Variants in TRDN observed in about 807,000 individuals in gnomAD.
TRDN encodes triadin.
TRDN carries 161 observed loss-of-function variants against 149.7 expected under a neutral mutation model. That is an observed-to-expected ratio of 1.08 (90% CI 0.95 to 1.23). The LOEUF is 1.23. TRDN is among the 50% of genes most tolerant of loss of function. TRDN has a pLI of 0.00. For synonymous variants in TRDN, 294 were observed against 250.5 expected (o/e 1.17, Z -1.64); for missense variants, 896 against 823.5 (o/e 1.09, Z -1.08).
chr6:123,287,478 T>C (rs553085523), intron 24 of TRDN, among the ~76,000 whole-genome samples: 1 of 152,266 alleles, frequency 6.6e-6, no homozygotes, highest in South Asian at 2.1e-4. Context: ...AACCACTGTT[T>C]GATAACCGTA....
intron 21 of TRDN, among the ~76,000 whole-genome samples, chr6:123,344,939 T>C (rs1308590757): frequency 6.6e-6 from 1 of 152,074 alleles, no homozygotes; most frequent in Non-Finnish European, 1.5e-5. Flanking sequence ...GTTAGTGTTT[T>C]GGATTTTAGC....
chr6:123,515,999 C>A, intron 6 of TRDN, 142 bp downstream of exon 6: 1 of 939,024 alleles, frequency 1.1e-6, no homozygotes, highest in Non-Finnish European at 1.4e-6. Context: ...TCCAGAAATT[C>A]CTTTTTTCAG....
At chr6:123,331,815 T>A in intron 23 of TRDN, 64 bp downstream of exon 23, 1 of 1,089,776 alleles carries the variant, frequency 9.2e-7, no homozygotes, top group Non-Finnish European at 1.3e-6. Flanking sequence ...ATTACTTTGT[T>A]GCAAATAACT....
intron 2 of TRDN, among the ~76,000 whole-genome samples, chr6:123,566,803 T>C (rs1562393594): frequency 6.6e-6 from 1 of 152,218 alleles, no homozygotes; most frequent in Admixed American, 6.5e-5. Flanking sequence ...TTTGAAACTG[T>C]TATTGAAGCC....
intron 1 of TRDN, among the ~76,000 whole-genome samples, chr6:123,594,163 A>T (rs1431206978): frequency 1.3e-5 from 2 of 152,180 alleles, no homozygotes; most frequent in Non-Finnish European, 2.9e-5. Flanking sequence ...TAATGTCAGA[A>T]TTCAGAGTAA....
intron 2 of TRDN, among the ~76,000 whole-genome samples, chr6:123,558,529 T>A (rs887947278): frequency 1.3e-5 from 2 of 152,182 alleles, no homozygotes; most frequent in African/African-American, 4.8e-5. Flanking sequence ...ACACTCTTTT[T>A]CATCAAATAT....
rs1029030148 is a variant in TRDN at position 123,463,660 on chromosome 6, A to G, written c.931+1246T>C. ...TTATTTATAGGGGTTGTCTTGTCCA[A>G]TGAACATTTTGGCGAGTGAGATAGT... On this transcript the variant is annotated intron_variant, in intron 10 of 40. Transcript: ENST00000334268. 8.5e-5 allele frequency among the ~76,000 whole-genome samples: 13 copies of G among 152,208 alleles called. No individual in the cohort carries two copies. The South Asian group carries it at 1.2e-3, about 15-fold the overall frequency.
At chr6:123,473,037 C>T (rs1038282271) in intron 9 of TRDN, among the ~76,000 whole-genome samples, 23 of 152,170 alleles carry the variant, frequency 1.5e-4, no homozygotes, top group Non-Finnish European at 2.5e-4. Context: ...ACCAGAGCGC[C>T]TCTCCTCCTC....
At chr6:123,595,124 T>C (rs1297410914) in intron 1 of TRDN, among the ~76,000 whole-genome samples, 1 of 152,142 alleles carries the variant, frequency 6.6e-6, no homozygotes, top group Non-Finnish European at 1.5e-5. Flanking sequence ...GTCCTGCAAA[T>C]TATTTCTCAT....
At chr6:123,241,767 A>T (rs973985520) in intron 38 of TRDN, among the ~76,000 whole-genome samples, 1 of 152,106 alleles carries the variant, frequency 6.6e-6, no homozygotes. Context: ...TCTTGGACTA[A>T]TATCAAAATT....
At chr6:123,393,349 T>C (rs192782307) in intron 13 of TRDN, among the ~76,000 whole-genome samples, 1 of 152,210 alleles carries the variant, frequency 6.6e-6, no homozygotes, top group African/African-American at 2.4e-5. Flanking sequence ...GGATTATTTT[T>C]AAAAATATAC....
At chr6:123,486,111 C>G (rs969836504) in intron 9 of TRDN, among the ~76,000 whole-genome samples, 2 of 152,018 alleles carry the variant, frequency 1.3e-5, no homozygotes, top group Non-Finnish European at 2.9e-5. Context: ...AAGTGCAGTT[C>G]CAACAGAGGC....
chr6:123,232,871 T>C (rs1257085982), intron 38 of TRDN, among the ~76,000 whole-genome samples: 1 of 152,132 alleles, frequency 6.6e-6, no homozygotes, highest in Admixed American at 6.6e-5. Context: ...GCAAACACTA[T>C]AAATAAATCA....
At chr6:123,595,075 T>G (rs1783968601) in intron 1 of TRDN, among the ~76,000 whole-genome samples, 1 of 152,128 alleles carries the variant, frequency 6.6e-6, no homozygotes, top group African/African-American at 2.4e-5. Flanking sequence ...ATAATAATGT[T>G]AAAATGTGTG....
In TRDN at chr6:123,263,147, TAA is replaced by T. The variant is rs201523413; in HGVS notation, c.1804+2169_1804+2170del. Among the ~76,000 whole-genome samples, 6 of 152,124 alleles carry T rather than the reference TAA, an allele frequency of 3.9e-5. No individual in the cohort carries two copies. In the East Asian group the frequency reaches 1.2e-3, roughly 29 times the overall value. Reference sequence around the variant, plus strand: ...CAAAGGAAAAGTTCTTGAAGGAAATTAAAAGTGTTACTCCAGTGACCACATAA... The same window carrying T: ...CAAAGGAAAAGTTCTTGAAGGAAATTAAGTGTTACTCCAGTGACCACATAA... On this transcript the variant is annotated intron_variant, in intron 33 of 40. Transcript: ENST00000334268.
chr6:123,224,105 T>G lies in TRDN; in HGVS notation c.2002A>C (p.Lys668Gln), dbSNP rs779664510. ...ACAGCAAACTCACCTTTAGCTTTCT[T>G]TGAAGCTGGTACATCTTCAACATCT... ...SKDVEDVPASKKAKEGTEDVS... is the reference protein window; with the variant it reads ...SKDVEDVPASQKAKEGTEDVS... Residue 668 changes from lysine (K) to glutamine (Q), a missense_variant, in exon 39 of 41, where the codon AAG (lysine) becomes CAG (glutamine). Lys to Gln is a moderately conservative substitution (Grantham distance 53). Transcript: ENST00000334268. The G allele has an allele frequency of 3.7e-6, 6 of 1,610,710 alleles. No individual in the cohort carries two copies. The South Asian group carries it at 6.6e-5, about 18-fold the overall frequency.
chr6:123,345,767 A>G (rs1380239416), intron 21 of TRDN, among the ~76,000 whole-genome samples: 1 of 152,016 alleles, frequency 6.6e-6, no homozygotes, highest in East Asian at 1.9e-4. Context: ...CTTATACATA[A>G]TTTAAAAAAT....
chr6:123,586,765 AG>A (rs1344568699), intron 1 of TRDN, among the ~76,000 whole-genome samples: 8 of 151,952 alleles, frequency 5.3e-5, no homozygotes, highest in African/African-American at 1.9e-4. Context: ...CCCATAGTGA[AG>A]GAGACAAACC....
chr6:123,297,553 T>C (rs1282807588), intron 24 of TRDN, among the ~76,000 whole-genome samples: 2 of 152,084 alleles, frequency 1.3e-5, no homozygotes, highest in Non-Finnish European at 2.9e-5. Flanking sequence ...AGTAAACATT[T>C]AGTATGTGCT....
Sources: allele counts gnomAD v4.1 joint callset (sites outside exome capture counted in the v4.1 genomes callset), GRCh38; gene constraint gnomAD v4.1.1; transcripts MANE v1.5; gene names NCBI Gene and HGNC (gene_info 2026-07-23, HGNC 2026-07-21).